The following SORCS1 variants were observed in gnomAD, a reference collection of about 807,000 sequenced individuals.
The protein encoded by SORCS1 is sortilin related VPS10 domain containing receptor 1, also known as VPS10 domain-containing receptor SorCS1.
Under a neutral mutation model 146.1 loss-of-function variants are expected in SORCS1, and 60 were observed. The ratio of observed to expected loss-of-function variants is 0.41; its 90% CI spans 0.33 to 0.51. The LOEUF is 0.51. Among genes scored for constraint, SORCS1 ranks in the 20% least tolerant of loss-of-function variants. The pLI is 0.21. For synonymous variants in SORCS1, 637 were observed against 584.0 expected (o/e 1.09, Z -1.31); for missense variants, 1,352 against 1,487.6 (o/e 0.91, Z 1.50).
At chr10:106,790,895 G>C (rs774718562) in intron 3 of SORCS1, among the ~76,000 whole-genome samples, 5 of 152,078 alleles carry the variant, frequency 3.3e-5, no homozygotes, top group African/African-American at 4.8e-5. Context: ...GTTCACATAT[G>C]AACAAGAAAA....
At position 107,057,889 on chromosome 10, in the gene SORCS1, G is replaced by C. The variant is rs903750355; in HGVS notation, c.559-101309C>G. 2.5e-4 allele frequency among the ~76,000 whole-genome samples: 38 copies of C among 152,018 alleles called. 1 individual carries two copies. The highest frequency in any genetic ancestry group is 1.9e-4 in the East Asian group (1 of 5,180). On this transcript the variant is annotated intron_variant, in intron 1 of 25. Transcript: ENST00000263054. ...GTGGCTACTCACAGGCATGGTCATC[G>C]CACTCTACAGCCTCAAATTCCTGGC...
chr10:106,884,741 C>A (rs1950931229), intron 2 of SORCS1, among the ~76,000 whole-genome samples: 1 of 152,122 alleles, frequency 6.6e-6, no homozygotes, highest in Admixed American at 6.6e-5. Context: ...CAAAAAAAAT[C>A]ATAATTGAGA....
intron 1 of SORCS1, among the ~76,000 whole-genome samples, chr10:107,026,679 A>G (rs1832488891): frequency 6.6e-6 from 1 of 152,068 alleles, no homozygotes; most frequent in Admixed American, 6.6e-5. Flanking sequence ...AGAGAGAAGA[A>G]AAAAGATAAA....
intron 24 of SORCS1, among the ~76,000 whole-genome samples, chr10:106,593,078 G>A (rs1202415374): frequency 6.0e-5 from 9 of 149,624 alleles, no homozygotes; most frequent in East Asian, 2.0e-4. Context: ...GCAGTGATCC[G>A]AGATCATGCC....
At chr10:107,169,519 A>T (rs1970114396), upstream of SORCS1, among the ~76,000 whole-genome samples, 1 of 152,212 alleles carries the variant, frequency 6.6e-6, no homozygotes, top group South Asian at 2.1e-4. Flanking sequence ...GGCTAAGATT[A>T]TCTACCTAAC....
intron 2 of SORCS1, among the ~76,000 whole-genome samples, chr10:106,889,888 T>TA (rs772421907): frequency 0.058 from 4,153 of 71,740 alleles, 130 homozygotes; most frequent in Non-Finnish European, 0.083. Context: ...ACGTCTCAAA[T>TA]AAAAAAAAAA....
chr10:106,924,465 CGAT>C (rs1449059371), intron 2 of SORCS1, among the ~76,000 whole-genome samples: 1 of 77,572 alleles, frequency 1.3e-5, no homozygotes, highest in Non-Finnish European at 3.2e-5. Flanking sequence ...CCACAGTTAT[CGAT>C]CTATCTATCT....
intron 1 of SORCS1, among the ~76,000 whole-genome samples, chr10:107,153,349 C>T (rs140203467): frequency 8.4e-4 from 128 of 152,160 alleles, no homozygotes; most frequent in African/African-American, 2.2e-3. Context: ...CATATAAGAG[C>T]GCACATATTT....
intron 4 of SORCS1, among the ~76,000 whole-genome samples, chr10:106,765,902 C>T (rs946546869): frequency 5.9e-5 from 9 of 152,098 alleles, no homozygotes; most frequent in Admixed American, 2.6e-4. Context: ...GACAGGTGCA[C>T]GTGATAGAAT....
intron 9 of SORCS1, among the ~76,000 whole-genome samples, chr10:106,697,455 C>CAAAA (rs5787684): frequency 6.8e-6 from 1 of 148,098 alleles, no homozygotes; most frequent in East Asian, 2.0e-4. Context: ...GACTCCATCT[C>CAAAA]AAAATAAATA....
At chr10:106,975,090 C>A (rs934679815) in intron 1 of SORCS1, among the ~76,000 whole-genome samples, 1 of 152,086 alleles carries the variant, frequency 6.6e-6, no homozygotes, top group Non-Finnish European at 1.5e-5. Flanking sequence ...AAAGCAAAAC[C>A]CTCCCATTCT....
chr10:106,748,247 T>C (rs934430792), intron 5 of SORCS1, among the ~76,000 whole-genome samples: 1 of 152,220 alleles, frequency 6.6e-6, no homozygotes, highest in African/African-American at 2.4e-5. Context: ...AAGCACGTGC[T>C]CACTTCATGT....
intron 8 of SORCS1, among the ~76,000 whole-genome samples, chr10:106,702,352 G>A (rs1396913663): frequency 3.9e-5 from 6 of 152,166 alleles, no homozygotes; most frequent in East Asian, 1.9e-4. Context: ...CCTGACCCCC[G>A]CATAGCTAAT....
chr10:106,878,620 G>GTATATA (rs3982430), intron 2 of SORCS1, among the ~76,000 whole-genome samples: 1,291 of 84,888 alleles, frequency 0.015, 52 homozygotes, highest in African/African-American at 0.053. Flanking sequence ...AAACTACCTA[G>GTATATA]TATATATATA....
intron 19 of SORCS1, among the ~76,000 whole-genome samples, chr10:106,628,690 G>A (rs1192031447): frequency 3.3e-5 from 5 of 151,992 alleles, no homozygotes; most frequent in African/African-American, 1.2e-4. Flanking sequence ...CTAACACCAA[G>A]TCATCCACAG....
intron 3 of SORCS1, among the ~76,000 whole-genome samples, chr10:106,801,560 GCT>G (rs1440165198): frequency 7.7e-6 from 1 of 129,258 alleles, no homozygotes; most frequent in Non-Finnish European, 1.5e-5. Flanking sequence ...ACGGAGTCTC[GCT>G]CTGTCTCCCA....
At chr10:106,760,097 G>A (rs985303571) in intron 5 of SORCS1, among the ~76,000 whole-genome samples, 2 of 152,020 alleles carry the variant, frequency 1.3e-5, no homozygotes, top group African/African-American at 4.8e-5. Flanking sequence ...AAGTGATTAG[G>A]TTTAGCTTAG....
chr10:106,612,532 C>T (rs1205976433), intron 21 of SORCS1, among the ~76,000 whole-genome samples: 1 of 151,806 alleles, frequency 6.6e-6, no homozygotes, highest in East Asian at 1.9e-4. Context: ...GCCCTCTCAC[C>T]CTAGCCTTTT....
chr10:106,875,517 C>G (rs1950561515), intron 2 of SORCS1, among the ~76,000 whole-genome samples: 1 of 151,952 alleles, frequency 6.6e-6, no homozygotes. Context: ...GATTTACTCT[C>G]AGTTCTTTAA....
Sources: allele counts gnomAD v4.1 joint callset (sites outside exome capture counted in the v4.1 genomes callset), GRCh38; gene constraint gnomAD v4.1.1; transcripts MANE v1.5; gene names NCBI Gene and HGNC (gene_info 2026-07-23, HGNC 2026-07-21).